Variants in TFEC observed in about 807,000 individuals in gnomAD.
The protein encoded by TFEC is transcription factor EC.
A neutral mutation model predicts 41.6 loss-of-function variants in TFEC; 31 were observed. The ratio of observed to expected loss-of-function variants is 0.74; its 90% CI spans 0.56 to 1.01. TFEC has a LOEUF of 1.01. TFEC is among the 50% of genes least tolerant of loss of function. The probability of loss-of-function intolerance (pLI) is 0.00; values close to 1 mark genes in which losing one functional copy is unlikely to be tolerated. For synonymous variants in TFEC, 143 were observed against 140.6 expected (o/e 1.02, Z -0.12); for missense variants, 402 against 404.1 (o/e 0.99, Z 0.04).
chr7:115,983,446 C>T (rs1393919169), intron 2 of TFEC, among the ~76,000 whole-genome samples: 3 of 151,928 alleles, frequency 2.0e-5, no homozygotes, highest in Non-Finnish European at 4.4e-5. Flanking sequence ...GACCTGAAAT[C>T]GGCAATAAAC....
At chr7:116,093,559 CTTTT>C (rs969630999) in intron 3 of TFEC, among the ~76,000 whole-genome samples, 1 of 152,010 alleles carries the variant, frequency 6.6e-6, no homozygotes, top group Non-Finnish European at 1.5e-5. Flanking sequence ...TTTCTTCTTT[CTTTT>C]TTTGTTTAAT....
chr7:116,102,894 C>G (rs1252849951), intron 3 of TFEC, among the ~76,000 whole-genome samples: 2 of 152,096 alleles, frequency 1.3e-5, no homozygotes, highest in African/African-American at 4.8e-5. Flanking sequence ...TTTATCGAAG[C>G]AGTGTTAGTG....
chr7:116,051,449 T>C (rs900410825), intron 3 of TFEC, among the ~76,000 whole-genome samples: 2 of 152,154 alleles, frequency 1.3e-5, no homozygotes, highest in East Asian at 3.9e-4. Context: ...AGTCGAACTC[T>C]TAGCACTACA....
At chr7:115,957,784 T>A (rs1459615510) in intron 3 of TFEC, among the ~76,000 whole-genome samples, 1 of 151,868 alleles carries the variant, frequency 6.6e-6, no homozygotes, top group Non-Finnish European at 1.5e-5. Context: ...CAAGTCTTCA[T>A]GAAGAATCTA....
At chr7:115,973,988 C>T (rs1793252609) in intron 3 of TFEC, among the ~76,000 whole-genome samples, 182 bp downstream of exon 3, 1 of 151,906 alleles carries the variant, frequency 6.6e-6, no homozygotes, top group African/African-American at 2.4e-5. Flanking sequence ...AGTACAAGCA[C>T]TATATTCTTC....
intron 3 of TFEC, among the ~76,000 whole-genome samples, chr7:116,080,552 A>C (rs1797063512): frequency 6.6e-6 from 1 of 152,168 alleles, no homozygotes; most frequent in South Asian, 2.1e-4. Flanking sequence ...GATAATTCTC[A>C]AAACAAGATA....
At chr7:116,139,439 T>C (rs528184091) in intron 1 of TFEC, among the ~76,000 whole-genome samples, 33 of 152,306 alleles carry the variant, frequency 2.2e-4, no homozygotes, top group Admixed American at 4.6e-4. Flanking sequence ...CCTTCTCCGT[T>C]CAAGAGCCAC....
chr7:116,072,966 C>CAATTAAATAATTAATTAATAATTAATT (rs1384115851), intron 3 of TFEC, among the ~76,000 whole-genome samples: 7 of 150,866 alleles, frequency 4.6e-5, no homozygotes, highest in Non-Finnish European at 8.9e-5. Flanking sequence ...CCAGAGAGTG[C>CAATTAAATAATTAATTAATAATTAATT]AATTAAATAA....
chr7:116,033,769 C>A (rs894788909), upstream of TFEC, among the ~76,000 whole-genome samples: 3 of 152,090 alleles, frequency 2.0e-5, no homozygotes, highest in African/African-American at 7.2e-5. Context: ...AGAATACAAG[C>A]AAGTGTTCTT....
At chr7:116,154,017 GGA>G (rs1487445056) in intron 1 of TFEC, among the ~76,000 whole-genome samples, 1 of 152,182 alleles carries the variant, frequency 6.6e-6, no homozygotes, top group Non-Finnish European at 1.5e-5. Flanking sequence ...GAAATTGTAA[GGA>G]GAGAAGAGTG....
chr7:116,022,864 T>C (rs924396674), intron 1 of TFEC, among the ~76,000 whole-genome samples: 3 of 152,184 alleles, frequency 2.0e-5, no homozygotes, highest in African/African-American at 7.2e-5. Flanking sequence ...TTACCCTCCC[T>C]TTCTCATTTA....
intron 3 of TFEC, among the ~76,000 whole-genome samples, chr7:116,039,869 T>G (rs1227786143): frequency 6.6e-6 from 1 of 152,148 alleles, no homozygotes; most frequent in East Asian, 1.9e-4. Context: ...CACTTCTTGT[T>G]TGAATTTATA....
At chr7:115,971,994 G>A (rs1165413349) in intron 3 of TFEC, among the ~76,000 whole-genome samples, 2 of 151,978 alleles carry the variant, frequency 1.3e-5, no homozygotes, top group African/African-American at 4.8e-5. Context: ...CTTACTCAAA[G>A]CTTTTTTCTG....
intron 1 of TFEC, among the ~76,000 whole-genome samples, chr7:116,001,895 A>G (rs1189497850): frequency 6.6e-6 from 1 of 152,196 alleles, no homozygotes; most frequent in Non-Finnish European, 1.5e-5. Context: ...TGCTCAAAAG[A>G]AGACATACAA....
intron 3 of TFEC, among the ~76,000 whole-genome samples, chr7:116,040,811 C>CCATG (rs1796019623): frequency 6.6e-6 from 1 of 152,146 alleles, no homozygotes; most frequent in African/African-American, 2.4e-5. Flanking sequence ...TTGTTATACT[C>CCATG]CATGCATGGC....
intron 3 of TFEC, among the ~76,000 whole-genome samples, chr7:116,104,044 A>C (rs573502629): frequency 6.3e-4 from 96 of 152,272 alleles, no homozygotes; most frequent in African/African-American, 2.2e-3. Flanking sequence ...AGGAAATTAT[A>C]CTAAAATTAC....
intron 2 of TFEC, among the ~76,000 whole-genome samples, chr7:115,980,332 A>G (rs1793570201): frequency 6.6e-6 from 1 of 152,224 alleles, no homozygotes; most frequent in Non-Finnish European, 1.5e-5. Context: ...CCATTAAGAT[A>G]AAAGTCACAT....
At position 115,940,862 on chromosome 7, in the gene TFEC, C is replaced by A; in HGVS notation, c.733G>T (p.Ala245Ser). The A allele has an allele frequency of 5.0e-6, 8 of 1,613,054 alleles. No homozygotes were observed. The highest frequency in any genetic ancestry group is 6.8e-6 in the Non-Finnish European group (8 of 1,179,358). Residue 245 changes from alanine (A) to serine (S), a missense_variant, in exon 8 of 8, where the codon GCT becomes TCT. By Grantham distance (99) the Ala-to-Ser change is moderately conservative. Coordinates refer to ENST00000265440, the MANE Select transcript of TFEC (RefSeq NM_012252.4). ...TGGCTCTGCTGTTTGGTGACATGAG[C>A]ACCTAAATCAACCGTGCCAAGTGAA... The part of the protein sequence containing the change: ...LASLGTVDLG[A>S]HVTKQQSHPE...
Position 115,984,448 on chromosome 7 carries a change from G to C in TFEC, c.-7C>G, listed in dbSNP as rs1486733499. ...TCTGATGATCAAGGGTCATGAAAGA[G>C]TTTACTTTCTGTCTCTGGGCTTTCT... is the stretch of plus-strand genomic sequence containing the variant. On this transcript the variant is annotated 5_prime_UTR_variant, in exon 2 of 8. Transcript: ENST00000265440. 1 of 1,614,090 alleles carries C rather than the reference G, an allele frequency of 6.2e-7. No individual in the cohort carries two copies.
Sources: gnomAD v4.1 joint callset for allele counts (sites outside exome capture counted in the v4.1 genomes callset) on GRCh38, gnomAD v4.1.1 for gene constraint, MANE v1.5 for transcripts, NCBI Gene and HGNC (gene_info 2026-07-23, HGNC 2026-07-21) for gene names.